AUTS2: variants seen among roughly 807,000 people sequenced by gnomAD.
AUTS2 encodes autism susceptibility gene 2 protein.
AUTS2 carries 17 observed loss-of-function variants against 112.4 expected under a neutral mutation model. That is an observed-to-expected ratio of 0.15 (90% confidence interval 0.10 to 0.23). The LOEUF (loss-of-function observed/expected upper bound fraction) is 0.23. Ranked by LOEUF, AUTS2 falls within the 10% of genes least tolerant of loss-of-function variation. The probability of loss-of-function intolerance (pLI) is 1.00; values close to 1 mark genes in which losing one functional copy is unlikely to be tolerated. For synonymous variants in AUTS2, 751 were observed against 702.7 expected (o/e 1.07, Z -1.09); for missense variants, 1,510 against 1,701.6 (o/e 0.89, Z 1.98).
intron 1 of AUTS2, among the ~76,000 whole-genome samples, chr7:69,828,940 G>A (rs913212683): frequency 2.0e-5 from 3 of 152,006 alleles, no homozygotes; most frequent in Non-Finnish European, 4.4e-5. Context: ...TTGGAAAGTG[G>A]CAAATAAAAT....
chr7:69,949,961 C>T (rs1476944646), intron 2 of AUTS2, among the ~76,000 whole-genome samples: 7 of 152,104 alleles, frequency 4.6e-5, no homozygotes, highest in Non-Finnish European at 8.8e-5. Flanking sequence ...CTGGTGTGTA[C>T]TTCAGGTACT....
intron 5 of AUTS2, among the ~76,000 whole-genome samples, chr7:70,645,098 T>C (rs976901121): frequency 2.0e-5 from 3 of 152,218 alleles, no homozygotes; most frequent in African/African-American, 7.2e-5. Flanking sequence ...ACTAGTAGCA[T>C]TTCCTTCATC....
At chr7:70,482,315 GTGGCTTCCTCGTCTTAT>G (rs1248194269) in intron 5 of AUTS2, among the ~76,000 whole-genome samples, 1 of 152,138 alleles carries the variant, frequency 6.6e-6, no homozygotes, top group African/African-American at 2.4e-5. Flanking sequence ...TGTACTCTCT[GTGGCTTCCTCGTCTTAT>G]TAGCCCCCAT....
chr7:70,266,760 A>C (rs1787446330), intron 4 of AUTS2, among the ~76,000 whole-genome samples: 1 of 152,322 alleles, frequency 6.6e-6, no homozygotes, highest in South Asian at 2.1e-4. Context: ...TCATTACTGA[A>C]ATCAGTGCCA....
chr7:70,724,084 G>T (rs1456016554), intron 6 of AUTS2, among the ~76,000 whole-genome samples: 4 of 152,084 alleles, frequency 2.6e-5, no homozygotes, highest in African/African-American at 9.7e-5. Context: ...TAGAGATGGG[G>T]TTTTACCATG....
At chr7:70,593,693 C>T (rs1563063381) in intron 5 of AUTS2, among the ~76,000 whole-genome samples, 1 of 152,198 alleles carries the variant, frequency 6.6e-6, no homozygotes, top group African/African-American at 2.4e-5. Context: ...GTTTAGTCCC[C>T]ACAACAATCA....
intron 5 of AUTS2, among the ~76,000 whole-genome samples, chr7:70,450,949 G>A (rs1796506555): frequency 6.6e-6 from 1 of 152,112 alleles, no homozygotes. Flanking sequence ...AGCGAAAGTG[G>A]GGGGATGGAG....
Position 70,694,708 on chromosome 7 carries a change from A to G in AUTS2, c.691-3861A>G, listed in dbSNP as rs888047615. On this transcript the variant is annotated intron_variant, in intron 5 of 18. Transcript: ENST00000342771. This position sits in a 1 kb window ranked among gnomAD's most constrained non-coding sequence, Gnocchi z 4.1. ...CCCGCGCGCCGCAGGAGCGGCGGGG[A>G]GACAGTGGCGAGCGCGGGCCGGGCG... 6.9e-6 allele frequency: 1 copy of G among 145,690 alleles called. No homozygotes were observed. The highest frequency in any genetic ancestry group is 6.8e-5 in the Admixed American group (1 of 14,792). 9.0% of individuals were successfully genotyped at this position (145,690 alleles called of 1,614,324 possible).
rs56227016 is a variant in AUTS2, at chr7:69,941,579, ATT to A, written c.522+42096_522+42097del. ...CCAGTCTGCCCTACAGACCTTCTAG[ATT>A]TTTTTTTTTTTTTTGGCTGTGTGAC... On this transcript the variant is annotated intron_variant, in intron 2 of 18. Coordinates refer to ENST00000342771, the MANE Select transcript of AUTS2 (RefSeq NM_015570.4). Among the ~76,000 whole-genome samples, 129 of 138,992 alleles carry A rather than the reference ATT, an allele frequency of 9.3e-4. 1 individual carries two copies. The highest frequency in any genetic ancestry group is 2.1e-3 in the Admixed American group (30 of 13,998). 91.2% of individuals were successfully genotyped at this position (138,992 alleles called of 152,430 possible).
At chr7:70,337,006 T>A (rs1791019773) in intron 4 of AUTS2, among the ~76,000 whole-genome samples, 1 of 152,216 alleles carries the variant, frequency 6.6e-6, no homozygotes, top group Non-Finnish European at 1.5e-5. Flanking sequence ...TGGCTACCGA[T>A]TTAAAAATCC....
intron 1 of AUTS2, among the ~76,000 whole-genome samples, chr7:69,735,280 G>A (rs1194041958): frequency 6.6e-6 from 1 of 152,118 alleles, no homozygotes; most frequent in Admixed American, 6.5e-5. Context: ...ATGAAACTGG[G>A]GTATCAGACC....
intron 1 of AUTS2, among the ~76,000 whole-genome samples, chr7:69,727,214 A>T (rs749144111): frequency 6.6e-6 from 1 of 151,998 alleles, no homozygotes; most frequent in Non-Finnish European, 1.5e-5. Flanking sequence ...CATTTTCTCC[A>T]TATGTTTATC....
intron 1 of AUTS2, among the ~76,000 whole-genome samples, chr7:69,671,696 CT>C (rs1220454887): frequency 1.3e-5 from 2 of 152,098 alleles, no homozygotes; most frequent in East Asian, 3.9e-4. Flanking sequence ...GCTATTGGTC[CT>C]TTAGGACAAT....
Position 70,790,339 on chromosome 7 carries a change from C to T in AUTS2, c.3123C>T (p.Asp1041=). The T allele has an allele frequency of 6.2e-7, 1 of 1,613,874 alleles. No individual in the cohort carries two copies. Among genetic ancestry groups the T allele is most frequent in the Non-Finnish European group, 8.5e-7 (1 of 1,180,026 alleles). ...IHPMNSISSL[D]RTRMMTPFMG... The stretch of plus-strand genomic sequence containing the variant: ...CCATGAACAGCATCAGCAGCCTGGA[C>T]AGGACTCGCATGATGACCCCCTTCA... Residue 1041 remains aspartate (D), a synonymous_variant, in exon 19 of 19, where the codon GAC becomes GAT. Coordinates refer to ENST00000342771, the MANE Select transcript of AUTS2 (RefSeq NM_015570.4). The surrounding 1 kb of genome is among the most constrained non-coding windows in gnomAD (Gnocchi z 7.6).
In AUTS2 at chr7:70,791,215, TCTC is replaced by T. The variant is rs1452957187; in HGVS notation, c.*222_*224del. On this transcript the variant is annotated 3_prime_UTR_variant, in exon 19 of 19. Coordinates refer to ENST00000342771, the MANE Select transcript of AUTS2 (RefSeq NM_015570.4). Reference sequence around the variant, plus strand: ...TTTAGCCCAGTCATATGTTCTCACGTCTCCTACTTTTTGTTTCTCGTATAAAAC... The same window carrying T: ...TTTAGCCCAGTCATATGTTCTCACGTCTACTTTTTGTTTCTCGTATAAAAC... The T allele has an allele frequency of 2.3e-6, 1 of 428,482 alleles. No homozygotes were observed. The highest frequency in any genetic ancestry group is 4.5e-5 in the Admixed American group (1 of 22,282). 26.5% of individuals were successfully genotyped at this position (428,482 alleles called of 1,614,324 possible). A position where few individuals can be genotyped will look rare whatever the true frequency, so the allele number is the denominator to read the frequency against.
At chr7:69,692,658 A>C (rs1797399501) in intron 1 of AUTS2, among the ~76,000 whole-genome samples, 1 of 152,238 alleles carries the variant, frequency 6.6e-6, no homozygotes. Context: ...TATGATCTTG[A>C]ACTTGACTAT....
At chr7:69,938,979 T>C (rs1007789104) in intron 2 of AUTS2, among the ~76,000 whole-genome samples, 1 of 152,266 alleles carries the variant, frequency 6.6e-6, no homozygotes, top group Non-Finnish European at 1.5e-5. Flanking sequence ...CTGCTGATCA[T>C]GTTTTTAACT....
intron 5 of AUTS2, among the ~76,000 whole-genome samples, chr7:70,662,283 G>T (rs60095186): frequency 6.6e-6 from 1 of 152,238 alleles, no homozygotes; most frequent in Non-Finnish European, 1.5e-5. Flanking sequence ...AGGTAGACTC[G>T]TAAGACGGGC....
intron 2 of AUTS2, among the ~76,000 whole-genome samples, chr7:69,969,739 A>G (rs775855097): frequency 3.3e-5 from 5 of 152,146 alleles, no homozygotes; most frequent in Non-Finnish European, 5.9e-5. Context: ...TTCCCTCACT[A>G]TCTTTAAAAG....
Sources: allele counts gnomAD v4.1 joint callset (sites outside exome capture counted in the v4.1 genomes callset), GRCh38; gene constraint gnomAD v4.1.1; non-coding constraint Gnocchi (gnomAD v3.1); transcripts MANE v1.5; gene names NCBI Gene and HGNC (gene_info 2026-07-23, HGNC 2026-07-21).